Variants in TENM3 observed in about 807,000 individuals in gnomAD.
TENM3 encodes teneurin-3.
A neutral mutation model predicts 255.1 loss-of-function variants in TENM3; 63 were observed. The observed-to-expected ratio is 0.25, with a 90% confidence interval of 0.20 to 0.30. The LOEUF (loss-of-function observed/expected upper bound fraction) is 0.30, where lower values mean the gene tolerates loss of function less well. Ranked by LOEUF, TENM3 falls within the 10% of genes least tolerant of loss-of-function variation. The pLI, the probability that TENM3 is intolerant of heterozygous loss-of-function variation, is 1.00. For synonymous variants in TENM3, 1,306 were observed against 1,322.3 expected (o/e 0.99, Z 0.27); for missense variants, 2,929 against 3,461.1 (o/e 0.85, Z 3.86).
the TENM3 span, among the ~76,000 whole-genome samples, chr4:181,597,758 A>G: frequency 0.072 from 10,957 of 152,208 alleles, 482 homozygotes; most frequent in South Asian, 0.14. Flanking sequence ...CAAGTCCAAA[A>G]TGTTTCTCAG....
At chr4:182,020,323 G>A in the TENM3 span, among the ~76,000 whole-genome samples, 4 of 152,024 alleles carry the variant, frequency 2.6e-5, no homozygotes, top group African/African-American at 7.2e-5. Context: ...CTGAGATCAC[G>A]CCATTGCACT....
At chr4:182,421,913 C>T (rs1421963451) in intron 3 of TENM3, among the ~76,000 whole-genome samples, 1 of 152,110 alleles carries the variant, frequency 6.6e-6, no homozygotes, top group Non-Finnish European at 1.5e-5. Flanking sequence ...TTCGGGATGA[C>T]CATTGGCTGA....
intron 13 of TENM3, among the ~76,000 whole-genome samples, chr4:182,720,613 G>A (rs1305988169): frequency 6.6e-6 from 1 of 152,160 alleles, no homozygotes; most frequent in Non-Finnish European, 1.5e-5. Context: ...CCATTCTGGG[G>A]GAAGAACATC....
intron 3 of TENM3, among the ~76,000 whole-genome samples, chr4:182,507,987 G>A (rs1043626100): frequency 6.6e-6 from 1 of 152,084 alleles, no homozygotes; most frequent in East Asian, 1.9e-4. Flanking sequence ...GCTGTCCCCC[G>A]AGTGGTTCAT....
intron 1 of TENM3, among the ~76,000 whole-genome samples, chr4:182,279,488 C>T (rs550140994): frequency 6.6e-6 from 1 of 152,228 alleles, no homozygotes; most frequent in African/African-American, 2.4e-5. Context: ...GGCCCTGTGC[C>T]TTGAGACAAT....
intron 1 of TENM3, among the ~76,000 whole-genome samples, chr4:182,165,055 C>G (rs191153438): frequency 1.0e-3 from 157 of 152,262 alleles, no homozygotes; most frequent in African/African-American, 3.6e-3. Context: ...TTCAGAATCT[C>G]TAGACATAGG....
At chr4:182,440,946 C>T (rs2151255085) in intron 3 of TENM3, among the ~76,000 whole-genome samples, 1 of 151,934 alleles carries the variant, frequency 6.6e-6, no homozygotes, top group Middle Eastern at 3.4e-3. Context: ...AAGCCCAGTT[C>T]CCGATAGTTA....
chr4:181,702,914 T>C, the TENM3 span, among the ~76,000 whole-genome samples: 1 of 152,188 alleles, frequency 6.6e-6, no homozygotes, highest in African/African-American at 2.4e-5. Flanking sequence ...GAATTGTCCC[T>C]GGCCAGTATG....
chr4:181,638,205 C>A, the TENM3 span, among the ~76,000 whole-genome samples: 1 of 152,206 alleles, frequency 6.6e-6, no homozygotes, highest in Non-Finnish European at 1.5e-5. Flanking sequence ...TTATCCCACA[C>A]AGACTGACAT....
rs1222360947 is a variant in TENM3, at chr4:182,738,353, T to G, written c.3236-48T>G. 8 of 1,504,626 alleles carry G rather than the reference T, an allele frequency of 5.3e-6. No individual in the cohort carries two copies. The South Asian group carries it at 1.1e-4, about 20-fold the overall frequency. 93.2% of individuals were successfully genotyped at this position (1,504,626 alleles called of 1,614,324 possible). ...TTTCCAAGTAAGAAAATAAATTGCA[T>G]TTCCCCCAGTCGTTGGAAAGATGAG... On this transcript the variant is annotated intron_variant, in intron 17 of 27. Transcript: ENST00000511685.
intron 3 of TENM3, among the ~76,000 whole-genome samples, chr4:182,492,293 C>G (rs1287238761): frequency 1.3e-5 from 2 of 152,216 alleles, no homozygotes; most frequent in East Asian, 3.9e-4. Flanking sequence ...ATCTGGCAGA[C>G]TGCAAAGTTA....
the TENM3 span, among the ~76,000 whole-genome samples, chr4:181,791,285 A>T: frequency 1.3e-5 from 2 of 152,206 alleles, no homozygotes; most frequent in South Asian, 4.1e-4. Flanking sequence ...GATACATTTT[A>T]TGACTTCTTT....
the TENM3 span, among the ~76,000 whole-genome samples, chr4:181,510,677 T>A: frequency 1.3e-5 from 2 of 152,152 alleles, no homozygotes; most frequent in Admixed American, 1.3e-4. Flanking sequence ...CAAGGCAGAA[T>A]TTAAGAAAGA....
the TENM3 span, among the ~76,000 whole-genome samples, chr4:181,928,905 C>T: frequency 6.6e-6 from 1 of 152,136 alleles, no homozygotes; most frequent in African/African-American, 2.4e-5. Context: ...AATTTCAACC[C>T]ACAATTTCAT....
At chr4:182,334,246 A>T (rs1763960314) in intron 2 of TENM3, among the ~76,000 whole-genome samples, 2 of 152,208 alleles carry the variant, frequency 1.3e-5, no homozygotes, top group Admixed American at 6.5e-5. Flanking sequence ...ATGTGACCTA[A>T]TGTGAGGGTA....
intron 1 of TENM3, among the ~76,000 whole-genome samples, chr4:182,281,804 C>G (rs1281688740): frequency 6.6e-6 from 1 of 152,104 alleles, no homozygotes; most frequent in Non-Finnish European, 1.5e-5. Context: ...GGTGTGATCT[C>G]AGCTCACTGC....
the TENM3 span, among the ~76,000 whole-genome samples, chr4:181,765,027 A>G: frequency 6.6e-6 from 1 of 152,142 alleles, no homozygotes; most frequent in South Asian, 2.1e-4. Context: ...CAGAATCATC[A>G]TGCTCCCTAA....
chr4:182,585,657 A>G (rs1346628460), intron 3 of TENM3, among the ~76,000 whole-genome samples: 2 of 152,224 alleles, frequency 1.3e-5, no homozygotes, highest in Non-Finnish European at 2.9e-5. Context: ...CATGTCTATT[A>G]TTTAAGCCAC....
the TENM3 span, among the ~76,000 whole-genome samples, chr4:181,657,529 G>T: frequency 6.6e-6 from 1 of 152,170 alleles, no homozygotes; most frequent in South Asian, 2.1e-4. Flanking sequence ...AGGTGTTGGT[G>T]ATACTGTTGG....
Sources: gnomAD v4.1 joint callset for allele counts (sites outside exome capture counted in the v4.1 genomes callset) on GRCh38, gnomAD v4.1.1 for gene constraint, MANE v1.5 for transcripts, NCBI Gene and HGNC (gene_info 2026-07-23, HGNC 2026-07-21) for gene names.